Variants in WDR47 observed in about 807,000 individuals in gnomAD.
WDR47 encodes WD repeat domain 47.
A neutral mutation model predicts 97.2 loss-of-function variants in WDR47; 32 were observed. The ratio of observed to expected loss-of-function variants is 0.33; its 90% confidence interval spans 0.25 to 0.44. The LOEUF is 0.44. Ranked by LOEUF, WDR47 falls within the 20% of genes least tolerant of loss-of-function variation. The pLI is 1.00. For synonymous variants in WDR47, 375 were observed against 373.5 expected, an observed-to-expected ratio of 1.00 and a Z score of -0.05; for missense variants, 782 against 1,102.3, an observed-to-expected ratio of 0.71 and a Z score of 4.11.
intron 9 of WDR47, 104 bp downstream of exon 9, chr1:108,991,150 C>G: frequency 9.1e-7 from 1 of 1,094,764 alleles, no homozygotes; most frequent in African/African-American, 1.6e-5. Context: ...GTACTGTACA[C>G]CACCACGTCT....
intron 13 of WDR47, among the ~76,000 whole-genome samples, chr1:108,975,729 A>G (rs900095087): frequency 6.6e-6 from 1 of 152,106 alleles, no homozygotes; most frequent in Non-Finnish European, 1.5e-5. Flanking sequence ...GTGGTCTAGG[A>G]AGACTTCATA....
At chr1:108,976,929 G>C (rs1169192509) in intron 13 of WDR47, among the ~76,000 whole-genome samples, 1 of 152,166 alleles carries the variant, frequency 6.6e-6, no homozygotes, top group African/African-American at 2.4e-5. Flanking sequence ...TGTAGGTCGT[G>C]ATAACAAGTG....
intron 4 of WDR47, 72 bp from the exon 5 acceptor site, chr1:109,011,790 T>A (rs1661052248): frequency 2.2e-6 from 3 of 1,372,142 alleles, no homozygotes; most frequent in Non-Finnish European, 3.0e-6. Flanking sequence ...ACGACAAGAG[T>A]ACAAAGAATA....
In WDR47 at chr1:109,032,185, A is replaced by C. The variant is rs949466383; in HGVS notation, c.-9-8664T>G. 7.2e-5 allele frequency among the ~76,000 whole-genome samples: 10 copies of C among 139,652 alleles called. 1 individual carries two copies. Among genetic ancestry groups the C allele is most frequent in the African/African-American group, 2.1e-4 (8 of 38,976 alleles). 91.6% of individuals were successfully genotyped at this position (139,652 alleles called of 152,430 possible). ...AGAAATTTTTAAACAAGTATGTTTA[A>C]AATTACTGAAGTACTAACAATTCAC... On this transcript the variant is annotated intron_variant, in intron 1 of 14. Coordinates refer to ENST00000369962, the MANE Select transcript of WDR47 (RefSeq NM_001142551.2).
chr1:108,989,275 A>G (rs960989343), intron 9 of WDR47, among the ~76,000 whole-genome samples: 3 of 152,240 alleles, frequency 2.0e-5, no homozygotes, highest in Non-Finnish European at 4.4e-5. Flanking sequence ...ATGAATGTCA[A>G]GTACACACAC....
In WDR47 at chr1:108,970,685, T is replaced by C. The variant is rs1657384992; in HGVS notation, c.*745A>G. The C allele has an allele frequency of 6.6e-6, 1 of 152,662 alleles. No individual in the cohort carries two copies. Among genetic ancestry groups the C allele is most frequent in the Non-Finnish European group, 1.5e-5 (1 of 68,036 alleles). 9.5% of individuals were successfully genotyped at this position (152,662 alleles called of 1,614,324 possible). A position where few individuals can be genotyped will look rare whatever the true frequency, so the allele number is the denominator to read the frequency against. On this transcript the variant is annotated 3_prime_UTR_variant, in exon 15 of 15. Coordinates refer to ENST00000369962, the MANE Select transcript of WDR47 (RefSeq NM_001142551.2). ...ACTGCTGCTGCTCTGCTTCTACAGT[T>C]CAGTTTGGAAGGGAGGTATCCTGTT...
rs1453083811 is a variant in WDR47, at chr1:109,017,522, T to C, written c.238A>G (p.Lys80Glu). ...PLECMEKFDK[K>E]RFRYIILKQK... ...AAACTTTAGATAAAATCTTACCTTT[T>C]TTTGTCAAATTTTTCCATACATTCT... The change falls in exon 3 of 15, where the codon AAA becomes GAA. Residue 80 changes from lysine (K) to glutamate (E), a missense_variant. By Grantham distance (56) the Lys-to-Glu change is moderately conservative (BLOSUM62 1). This residue lies in a region of WDR47 where 428 missense variants were observed against 584.3 expected (regional missense o/e 0.73). Coordinates refer to ENST00000369962, the MANE Select transcript of WDR47 (RefSeq NM_001142551.2). 6.2e-7 allele frequency: 1 copy of C among 1,610,226 alleles called. No homozygotes were observed. Among genetic ancestry groups the C allele is most frequent in the Non-Finnish European group, 8.5e-7 (1 of 1,178,984 alleles).
chr1:108,971,384 C>T lies in WDR47; in HGVS notation c.*46G>A, dbSNP rs1360542243. 1.9e-6 allele frequency: 3 copies of T among 1,611,418 alleles called. No individual in the cohort carries two copies. The highest frequency in any genetic ancestry group is 2.5e-6 in the Non-Finnish European group (3 of 1,178,452). On this transcript the variant is annotated 3_prime_UTR_variant, in exon 15 of 15. Transcript: ENST00000369962. ...TTTGTAATTTTCACAACTCAGTAGTCTTAAGTCTCTGTGCTTTTGCTGCAT... is the reference window on the plus strand; with the variant it reads ...TTTGTAATTTTCACAACTCAGTAGTTTTAAGTCTCTGTGCTTTTGCTGCAT...
chr1:108,977,500 C>G (rs911196231), intron 13 of WDR47, among the ~76,000 whole-genome samples: 1 of 152,178 alleles, frequency 6.6e-6, no homozygotes, highest in African/African-American at 2.4e-5. Flanking sequence ...GTAGCTGAGG[C>G]ATAAAGTTGT....
At position 109,031,537 on chromosome 1, in the gene WDR47, C is replaced by G. The variant is rs1360820167; in HGVS notation, c.-9-8016G>C. 2.9e-5 allele frequency among the ~76,000 whole-genome samples: 4 copies of G among 138,158 alleles called. 1 individual carries two copies. Among genetic ancestry groups the G allele is most frequent in the Non-Finnish European group, 6.4e-5 (4 of 62,346 alleles). The allele number at this position is 138,158 out of a possible 152,430, so 90.6% of individuals were successfully genotyped here. A position where few individuals can be genotyped will look rare whatever the true frequency, so the allele number is the denominator to read the frequency against. On this transcript the variant is annotated intron_variant, in intron 1 of 14. Transcript: ENST00000369962. ...CTATATAACAAACCTGTACATGTACCCCTGAACCTAAAATGAATAGGAATG... is the reference window on the plus strand; with the variant it reads ...CTATATAACAAACCTGTACATGTACGCCTGAACCTAAAATGAATAGGAATG...
intron 1 of WDR47, among the ~76,000 whole-genome samples, chr1:109,035,107 G>A (rs556183322): frequency 2.0e-5 from 3 of 151,616 alleles, no homozygotes; most frequent in East Asian, 3.9e-4. Flanking sequence ...TTAGCCAGGC[G>A]TGGTGGTGCA....
chr1:109,024,693 A>G (rs1662078477), intron 1 of WDR47, among the ~76,000 whole-genome samples: 1 of 152,180 alleles, frequency 6.6e-6, no homozygotes, highest in South Asian at 2.1e-4. Context: ...TACAGTTTTC[A>G]AATGTTAAGG....
intron 13 of WDR47, among the ~76,000 whole-genome samples, chr1:108,978,351 C>T (rs1401299489): frequency 9.9e-5 from 15 of 151,896 alleles, no homozygotes; most frequent in Non-Finnish European, 2.1e-4. Context: ...TGGTAGCAGG[C>T]GCCTGTAGTC....
intron 13 of WDR47, among the ~76,000 whole-genome samples, chr1:108,975,125 GAC>G (rs1011772855): frequency 5.3e-5 from 8 of 151,946 alleles, no homozygotes; most frequent in Non-Finnish European, 1.2e-4. Flanking sequence ...TAGTTAAAGA[GAC>G]AAGAAATTCA....
intron 1 of WDR47, among the ~76,000 whole-genome samples, chr1:109,035,269 C>G (rs1662864717): frequency 6.6e-6 from 1 of 150,430 alleles, no homozygotes; most frequent in Non-Finnish European, 1.5e-5. Context: ...AAAAAAAACC[C>G]CACACACACA....
intron 10 of WDR47, among the ~76,000 whole-genome samples, chr1:108,984,169 A>T (rs1462284282): frequency 6.6e-6 from 1 of 152,174 alleles, no homozygotes; most frequent in Non-Finnish European, 1.5e-5. Context: ...GAGGCACTGC[A>T]GGCTCAGCTG....
At chr1:108,999,861 G>A (rs1336554211) in intron 7 of WDR47, among the ~76,000 whole-genome samples, 1 of 152,084 alleles carries the variant, frequency 6.6e-6, no homozygotes, top group Non-Finnish European at 1.5e-5. Context: ...TGCAAAATAA[G>A]TTGGTCAGAA....
chr1:109,017,871 C>G (rs893336430), intron 2 of WDR47, among the ~76,000 whole-genome samples: 2 of 151,742 alleles, frequency 1.3e-5, no homozygotes, highest in African/African-American at 4.8e-5. Flanking sequence ...CTCAGACACC[C>G]GAGAAGCTGG....
intron 1 of WDR47, among the ~76,000 whole-genome samples, chr1:109,036,261 T>C (rs1662932139): frequency 6.6e-6 from 1 of 152,022 alleles, no homozygotes; most frequent in East Asian, 1.9e-4. Flanking sequence ...TCTAAATATC[T>C]GTTAATCCCC....
Sources: gnomAD v4.1 joint callset for allele counts (sites outside exome capture counted in the v4.1 genomes callset) on GRCh38, gnomAD v4.1.1 for gene constraint, gnomAD v4.1.1 regional missense constraint, MANE v1.5 for transcripts, NCBI Gene and HGNC (gene_info 2026-07-23, HGNC 2026-07-21) for gene names.